The following BNIP3L variants were observed in gnomAD, a reference collection of about 807,000 sequenced individuals.
BNIP3L encodes BCL2 interacting protein 3 like, also known as BCL2/adenovirus E1B 19 kDa protein-interacting protein 3-like.
A neutral mutation model predicts 25.5 loss-of-function variants in BNIP3L; 10 were observed. That is an observed-to-expected ratio of 0.39 (90% CI 0.24 to 0.67). The LOEUF (loss-of-function observed/expected upper bound fraction) is 0.67. Among genes scored for constraint, BNIP3L ranks in the 30% least tolerant of loss-of-function variants. BNIP3L has a pLI of 0.45. For missense variants in BNIP3L, 215 were observed against 270.9 expected, an observed-to-expected ratio of 0.79 and a Z score of 1.45; for synonymous variants, 113 against 101.2, an observed-to-expected ratio of 1.12 and a Z score of -0.70.
chr8:26,407,177 T>G (rs12114769), intron 3 of BNIP3L, among the ~76,000 whole-genome samples: 19,980 of 150,378 alleles, frequency 0.13, 1,502 homozygotes, highest in African/African-American at 0.2. Flanking sequence ...GGCTAATTTT[T>G]TTTTGTTTTG....
At chr8:26,409,390 T>G (rs1346267512) in intron 5 of BNIP3L, among the ~76,000 whole-genome samples, 1 of 152,206 alleles carries the variant, frequency 6.6e-6, no homozygotes, top group Non-Finnish European at 1.5e-5. Context: ...GTCATCCTTT[T>G]TCTTCCCTTT....
In BNIP3L at chr8:26,411,920, T is replaced by C. The variant is rs1341301460; in HGVS notation, c.*1508T>C. On this transcript the variant is annotated 3_prime_UTR_variant, in exon 6 of 6. Transcript: ENST00000380629. ...ACCAGGTCAACTTGAATAAAAACAC[T>C]ATGACAGACAGGTTTGCCAGTTTGC... 2.0e-5 allele frequency: 3 copies of C among 152,644 alleles called. No homozygotes were observed. The highest frequency in any genetic ancestry group is 7.2e-5 in the African/African-American group (3 of 41,464). 9.5% of individuals were successfully genotyped at this position (152,644 alleles called of 1,614,324 possible).
intron 1 of BNIP3L, among the ~76,000 whole-genome samples, chr8:26,386,718 T>A (rs902639827): frequency 6.6e-6 from 1 of 152,170 alleles, no homozygotes; most frequent in Non-Finnish European, 1.5e-5. Flanking sequence ...CACAAACTCT[T>A]TTTTTTAAAT....
At chr8:26,393,180 G>A (rs962015068) in intron 2 of BNIP3L, among the ~76,000 whole-genome samples, 3 of 151,752 alleles carry the variant, frequency 2.0e-5, no homozygotes, top group African/African-American at 4.8e-5. Context: ...ATTGCCATGC[G>A]TCTCTATATG....
intron 1 of BNIP3L, among the ~76,000 whole-genome samples, chr8:26,384,831 G>A (rs1457553335): frequency 6.6e-6 from 1 of 151,274 alleles, no homozygotes; most frequent in Admixed American, 6.6e-5. Context: ...CCGAGTAGCT[G>A]GGACTACAGG....
Position 26,411,382 on chromosome 8 carries a change from T to C in BNIP3L, c.*970T>C, listed in dbSNP as rs1415820407. The stretch of plus-strand genomic sequence containing the variant: ...TACAGGCTTCTTGTTTTAGGAAGCA[T>C]CACCTATACTCTGAAGCCTTTAAAC... On this transcript the variant is annotated 3_prime_UTR_variant, in exon 6 of 6. Coordinates refer to ENST00000380629, the MANE Select transcript of BNIP3L (RefSeq NM_004331.3). The C allele has an allele frequency of 6.6e-6, 1 of 152,318 alleles. No homozygotes were observed. The highest frequency in any genetic ancestry group is 1.5e-5 in the Non-Finnish European group (1 of 68,036). The allele number at this position is 152,318 out of a possible 1,614,324, so 9.4% of individuals were successfully genotyped here.
Position 26,410,490 on chromosome 8 carries a change from C to A in BNIP3L, c.*78C>A. Reference sequence around the variant, plus strand: ...CACAGTAGCTTATTTGAACTTGAGACCATTGTAAGCATGACCCAACCTACC... The same window carrying A: ...CACAGTAGCTTATTTGAACTTGAGAACATTGTAAGCATGACCCAACCTACC... On this transcript the variant is annotated 3_prime_UTR_variant, in exon 6 of 6. Transcript: ENST00000380629. The A allele has an allele frequency of 6.5e-7, 1 of 1,543,942 alleles. No homozygotes were observed.
chr8:26,389,692 G>A (rs979869143), intron 1 of BNIP3L, among the ~76,000 whole-genome samples: 1 of 152,198 alleles, frequency 6.6e-6, no homozygotes, highest in African/African-American at 2.4e-5. Context: ...AATCGTCACA[G>A]CACCCCGGTG....
intron 3 of BNIP3L, among the ~76,000 whole-genome samples, chr8:26,402,459 A>G (rs578083611): frequency 3.3e-4 from 50 of 152,370 alleles, no homozygotes; most frequent in Middle Eastern, 3.4e-3. Flanking sequence ...TCTTCAATCT[A>G]TATCACCTTT....
intron 4 of BNIP3L, 60 bp from the exon 5 acceptor site, chr8:26,408,167 G>A: frequency 1.7e-5 from 28 of 1,611,422 alleles, no homozygotes; most frequent in Non-Finnish European, 2.4e-5. Flanking sequence ...CAGGCAATGG[G>A]CCTGGTAATC....
chr8:26,396,418 C>T (rs1335530793), intron 3 of BNIP3L, among the ~76,000 whole-genome samples: 7 of 91,162 alleles, frequency 7.7e-5, no homozygotes, highest in African/African-American at 1.4e-4. Flanking sequence ...AGGGTCCTGT[C>T]TGTTAGAAGG....
chr8:26,401,711 G>A (rs189019124), intron 3 of BNIP3L, among the ~76,000 whole-genome samples: 59 of 151,604 alleles, frequency 3.9e-4, no homozygotes, highest in Admixed American at 2.1e-3. Context: ...TGGCTTTTGA[G>A]ATAAATTTTA....
rs1806636750 is a variant in BNIP3L at position 26,412,008 on chromosome 8, A to G, written c.*1596A>G. 1 of 152,626 alleles carries G rather than the reference A, an allele frequency of 6.6e-6. No homozygotes were observed. Among genetic ancestry groups the G allele is most frequent in the South Asian group, 2.1e-4 (1 of 4,834 alleles). 9.5% of individuals were successfully genotyped at this position (152,626 alleles called of 1,614,324 possible). A position where few individuals can be genotyped will look rare whatever the true frequency, so the allele number is the denominator to read the frequency against. On this transcript the variant is annotated 3_prime_UTR_variant, in exon 6 of 6. Coordinates refer to ENST00000380629, the MANE Select transcript of BNIP3L (RefSeq NM_004331.3). ...TTGATGTGTTATAGTGGAAAATAAC[A>G]TATAGATTAAACAAAATTTTTATCT... is the stretch of plus-strand genomic sequence containing the variant.
At chr8:26,386,621 G>A (rs1360050501) in intron 1 of BNIP3L, among the ~76,000 whole-genome samples, 1 of 152,098 alleles carries the variant, frequency 6.6e-6, no homozygotes, top group African/African-American at 2.4e-5. Context: ...TTCTTGTAGA[G>A]TTCGAGTTTC....
chr8:26,400,903 AAGTC>A (rs1335805771), intron 3 of BNIP3L, among the ~76,000 whole-genome samples: 6 of 142,132 alleles, frequency 4.2e-5, no homozygotes, highest in African/African-American at 1.0e-4. Flanking sequence ...AATCATTAAA[AAGTC>A]AGGAAACAAC....
intron 3 of BNIP3L, among the ~76,000 whole-genome samples, chr8:26,405,050 C>T (rs1806468414): frequency 6.6e-6 from 1 of 151,974 alleles, no homozygotes; most frequent in Non-Finnish European, 1.5e-5. Context: ...TTATGGAGTT[C>T]TTTTTTGTTT....
chr8:26,411,072 A>G lies in BNIP3L; in HGVS notation c.*660A>G. 6.6e-6 allele frequency: 1 copy of G among 152,580 alleles called. No individual in the cohort carries two copies. The highest frequency in any genetic ancestry group is 2.1e-4 in the South Asian group (1 of 4,840). 9.5% of individuals were successfully genotyped at this position (152,580 alleles called of 1,614,324 possible). A position where few individuals can be genotyped will look rare whatever the true frequency, so the allele number is the denominator to read the frequency against. On this transcript the variant is annotated 3_prime_UTR_variant, in exon 6 of 6. Transcript: ENST00000380629. Reference sequence around the variant, plus strand: ...GAGGCAAACTGTATAAATGATAGGTATGAAATAGAATAAGAAGTAAAATAC... The same window carrying G: ...GAGGCAAACTGTATAAATGATAGGTGTGAAATAGAATAAGAAGTAAAATAC...
At chr8:26,385,103 C>T (rs755932124) in intron 1 of BNIP3L, among the ~76,000 whole-genome samples, 25 of 152,092 alleles carry the variant, frequency 1.6e-4, no homozygotes, top group Non-Finnish European at 2.8e-4. Flanking sequence ...GCAGAACCTC[C>T]TGCTGGTGTG....
chr8:26,408,358 T>C lies in BNIP3L; in HGVS notation c.593T>C (p.Val198Ala), dbSNP rs369015422. The change falls in exon 5 of 6, where the codon GTT becomes GCT. Residue 198 changes from valine (V) to alanine (A), a missense_variant. Transcript: ENST00000380629. ...VFIPSLFLSH[V>A]LALGLGIYIG... ...ATTCCATCTCTCTTCCTTTCTCATG[T>C]TTTGGCTTTGGGGCTAGGGTAAGTA... 9 of 1,614,190 alleles carry C rather than the reference T, an allele frequency of 5.6e-6. 1 individual carries two copies. The highest frequency in any genetic ancestry group is 1.3e-5 in the African/African-American group (1 of 75,060).
Sources: allele counts gnomAD v4.1 joint callset (sites outside exome capture counted in the v4.1 genomes callset), GRCh38; gene constraint gnomAD v4.1.1; transcripts MANE v1.5; gene names NCBI Gene and HGNC (gene_info 2026-07-23, HGNC 2026-07-21).